PHF24: variants seen among roughly 807,000 people sequenced by gnomAD.
PHF24 encodes Galpha inhibitory interacting protein.
A neutral mutation model predicts 42.6 loss-of-function variants in PHF24; 25 were observed. The ratio of observed to expected loss-of-function variants is 0.59; its 90% CI spans 0.43 to 0.82. PHF24 has a LOEUF of 0.82. Among genes scored for constraint, PHF24 ranks in the 40% least tolerant of loss-of-function variants. The pLI is 0.00. For synonymous variants in PHF24, 185 were observed against 204.8 expected, an observed-to-expected ratio of 0.90 and a Z score of 0.83; for missense variants, 470 against 538.1, an observed-to-expected ratio of 0.87 and a Z score of 1.25.
the PHF24 span, among the ~76,000 whole-genome samples, chr9:34,936,050 CCCCTCT>C: frequency 7.3e-5 from 11 of 150,592 alleles, no homozygotes; most frequent in African/African-American, 1.5e-4. Context: ...CCGCTCCCAC[CCCCTCT>C]CCCTCTCCCT....
the PHF24 span, among the ~76,000 whole-genome samples, chr9:34,694,121 C>T: frequency 2.8e-5 from 4 of 143,038 alleles, no homozygotes; most frequent in Non-Finnish European, 4.6e-5. Context: ...TACAGTGATC[C>T]TTTTGGGTTG....
At chr9:34,962,025 G>A (rs537274161) in intron 1 of PHF24, among the ~76,000 whole-genome samples, 37 of 152,148 alleles carry the variant, frequency 2.4e-4, no homozygotes, top group Non-Finnish European at 4.7e-4. Flanking sequence ...GAGCTCTTAG[G>A]TTGCGAAGGA....
the PHF24 span, among the ~76,000 whole-genome samples, chr9:34,826,728 TG>T: frequency 9.4e-6 from 1 of 106,520 alleles, no homozygotes; most frequent in African/African-American, 2.9e-5. Context: ...TCTAGAAGGT[TG>T]GGGCCATTCA....
At chr9:34,714,647 T>C in the PHF24 span, among the ~76,000 whole-genome samples, 1 of 152,240 alleles carries the variant, frequency 6.6e-6, no homozygotes, top group Non-Finnish European at 1.5e-5. Flanking sequence ...TCCCACACTC[T>C]AGATTGACAC....
chr9:34,680,827 T>C, the PHF24 span: 1 of 152,226 alleles, frequency 6.6e-6, no homozygotes, highest in African/African-American at 2.4e-5. Context: ...TTCCCTTCCA[T>C]GTGAAATGTG....
the PHF24 span, among the ~76,000 whole-genome samples, chr9:34,707,169 G>T: frequency 6.6e-6 from 1 of 152,138 alleles, no homozygotes; most frequent in Non-Finnish European, 1.5e-5. Context: ...GATGGCTTCG[G>T]GGGTATCTGG....
At chr9:34,710,615 G>A in the PHF24 span, among the ~76,000 whole-genome samples, 28,760 of 150,816 alleles carry the variant, frequency 0.19, 3,128 homozygotes, top group East Asian at 0.56. Context: ...CTACAGGCAA[G>A]CACCACTGCG....
At chr9:34,931,236 C>T in the PHF24 span, among the ~76,000 whole-genome samples, 13 of 151,824 alleles carry the variant, frequency 8.6e-5, no homozygotes, top group African/African-American at 2.9e-4. Context: ...ATTAGCCGGG[C>T]ATGGTGGCGG....
the PHF24 span, among the ~76,000 whole-genome samples, chr9:34,674,077 C>T: frequency 6.6e-6 from 1 of 152,210 alleles, no homozygotes; most frequent in African/African-American, 2.4e-5. Context: ...TTTGATATAA[C>T]AAATTTAACT....
At chr9:34,977,942 A>T (rs1341821268) in intron 7 of PHF24, 73 bp from the exon 8 acceptor site, 1 of 1,191,806 alleles carries the variant, frequency 8.4e-7, no homozygotes, top group Non-Finnish European at 1.3e-6. Flanking sequence ...TCCTCAAGCC[A>T]TGCTGCCCCT....
At chr9:34,669,869 CAGGTTAG>C in the PHF24 span, among the ~76,000 whole-genome samples, 1 of 152,042 alleles carries the variant, frequency 6.6e-6, no homozygotes, top group Non-Finnish European at 1.5e-5. Context: ...TGAGATGGCT[CAGGTTAG>C]AGGTTGGTCA....
the PHF24 span, among the ~76,000 whole-genome samples, chr9:34,778,272 A>G: frequency 6.6e-6 from 1 of 152,242 alleles, no homozygotes; most frequent in African/African-American, 2.4e-5. Context: ...AAATCTAACC[A>G]TATCAATAAT....
chr9:34,809,925 C>CGGAGCGCG, the PHF24 span, among the ~76,000 whole-genome samples: 1 of 150,112 alleles, frequency 6.7e-6, no homozygotes, highest in Non-Finnish European at 1.5e-5. This position sits in a 1 kb window ranked among gnomAD's most constrained non-coding sequence, Gnocchi z 4.1. Flanking sequence ...GCCAGTACCT[C>CGGAGCGCG]GGGGCGCGGG....
the PHF24 span, chr9:34,922,933 C>T: frequency 6.9e-7 from 1 of 1,450,736 alleles, no homozygotes; most frequent in Non-Finnish European, 9.4e-7. Context: ...ACTGGATGTT[C>T]CAGCAGTGGT....
chr9:34,787,817 A>G, the PHF24 span, among the ~76,000 whole-genome samples: 1 of 152,186 alleles, frequency 6.6e-6, no homozygotes, highest in African/African-American at 2.4e-5. Context: ...GATGGCTCTC[A>G]TAAGGTTCAA....
the PHF24 span, among the ~76,000 whole-genome samples, chr9:34,881,091 AC>A: frequency 6.6e-6 from 1 of 152,200 alleles, no homozygotes; most frequent in Admixed American, 6.5e-5. Context: ...AAACTGAACA[AC>A]CTGCTCCTGA....
At chr9:34,840,805 G>A in the PHF24 span, among the ~76,000 whole-genome samples, 1 of 151,892 alleles carries the variant, frequency 6.6e-6, no homozygotes, top group African/African-American at 2.4e-5. Context: ...CCATATTCTT[G>A]AATAGTTCGT....
At chr9:34,684,248 G>T in the PHF24 span, among the ~76,000 whole-genome samples, 5 of 152,296 alleles carry the variant, frequency 3.3e-5, no homozygotes, top group East Asian at 9.7e-4. Context: ...TGCCTGGAAT[G>T]AATAAGTGTT....
chr9:34,902,700 C>A, the PHF24 span, among the ~76,000 whole-genome samples: 2 of 152,068 alleles, frequency 1.3e-5, no homozygotes, highest in Non-Finnish European at 2.9e-5. Flanking sequence ...GTCATGATTT[C>A]AAAAATGTTT....
Sources: allele counts gnomAD v4.1 joint callset (sites outside exome capture counted in the v4.1 genomes callset), GRCh38; gene constraint gnomAD v4.1.1; non-coding constraint Gnocchi (gnomAD v3.1); transcripts MANE v1.5; gene names NCBI Gene and HGNC (gene_info 2026-07-23, HGNC 2026-07-21).